NBEA: variants seen among roughly 807,000 people sequenced by gnomAD.
NBEA encodes lysosomal-trafficking regulator 2.
In NBEA, 44 loss-of-function variants were observed where a neutral mutation model predicts 343.4. The observed-to-expected ratio is 0.13, with a 90% CI of 0.10 to 0.16. The LOEUF is 0.16. NBEA is among the 10% of genes least tolerant of loss of function. The probability of loss-of-function intolerance (pLI) is 1.00; values close to 1 mark genes in which losing one functional copy is unlikely to be tolerated. For synonymous variants in NBEA, 1,175 were observed against 1,238.7 expected (o/e 0.95, Z 1.08); for missense variants, 2,555 against 3,631.3 (o/e 0.70, Z 7.62).
rs181171479 is a variant in NBEA, at chr13:35,034,012, A to G, written c.295-6921A>G. 2.0e-4 allele frequency among the ~76,000 whole-genome samples: 30 copies of G among 151,788 alleles called. No homozygotes were observed. The East Asian group carries it at 5.4e-3, about 27-fold the overall frequency. ...CCTTTTTCTAGCTTTCTCTTGTATA[A>G]TTATGCTAACTGGGACTTCCAGGAC... On this transcript the variant is annotated intron_variant, in intron 1 of 58. Transcript: ENST00000379939.
chr13:35,430,792 G>A (rs1374426921), intron 38 of NBEA, among the ~76,000 whole-genome samples: 1 of 151,862 alleles, frequency 6.6e-6, no homozygotes, highest in East Asian at 1.9e-4. Flanking sequence ...TAAATTACTG[G>A]GATTAGTTTG....
chr13:35,383,917 C>G (rs2042119612), intron 38 of NBEA, among the ~76,000 whole-genome samples: 1 of 151,900 alleles, frequency 6.6e-6, no homozygotes, highest in Non-Finnish European at 1.5e-5. Context: ...TGTATAGTTT[C>G]TTCTATGTTT....
At chr13:35,410,544 C>T (rs988372429) in intron 38 of NBEA, among the ~76,000 whole-genome samples, 1 of 151,940 alleles carries the variant, frequency 6.6e-6, no homozygotes, top group African/African-American at 2.4e-5. Flanking sequence ...TCAAAAGGTT[C>T]ACAGAAAAAT....
intron 38 of NBEA, among the ~76,000 whole-genome samples, chr13:35,408,529 TCTGCACA>T (rs1356591140): frequency 6.6e-6 from 1 of 152,084 alleles, no homozygotes; most frequent in Non-Finnish European, 1.5e-5. Context: ...TTAAAGAGCT[TCTGCACA>T]GCAGAAGAAA....
At chr13:35,188,337 T>A (rs576899594) in intron 30 of NBEA, among the ~76,000 whole-genome samples, 1 of 152,190 alleles carries the variant, frequency 6.6e-6, no homozygotes, top group Non-Finnish European at 1.5e-5. Flanking sequence ...GTCACCATGC[T>A]GGAAAATAGA....
chr13:35,043,715 A>T (rs556219957), intron 2 of NBEA, among the ~76,000 whole-genome samples: 1 of 152,080 alleles, frequency 6.6e-6, no homozygotes, highest in East Asian at 1.9e-4. Flanking sequence ...TTAATTGATT[A>T]TTAATTGATG....
intron 1 of NBEA, among the ~76,000 whole-genome samples, chr13:34,969,792 A>G (rs2059943258): frequency 6.6e-6 from 1 of 151,156 alleles, no homozygotes; most frequent in African/African-American, 2.4e-5. Context: ...TATCCAGTCT[A>G]TCATTGATAT....
At chr13:35,258,187 T>G (rs9600406) in intron 34 of NBEA, among the ~76,000 whole-genome samples, 15,007 of 149,146 alleles carry the variant, frequency 0.1, 725 homozygotes, top group South Asian at 0.12. Context: ...TTTTTTTTTT[T>G]AAACAACATC....
chr13:35,301,332 C>G (rs773631833), intron 35 of NBEA, among the ~76,000 whole-genome samples: 4 of 152,042 alleles, frequency 2.6e-5, no homozygotes, highest in African/African-American at 9.7e-5. Flanking sequence ...AATGCTCCCC[C>G]TCCTCTTTCC....
chr13:35,065,733 T>C (rs1421116132), intron 8 of NBEA, among the ~76,000 whole-genome samples: 3 of 152,154 alleles, frequency 2.0e-5, no homozygotes, highest in South Asian at 4.1e-4. Context: ...CTACAAGCAC[T>C]ATCCCAGTCA....
At chr13:35,129,457 A>T (rs2067298100) in intron 17 of NBEA, among the ~76,000 whole-genome samples, 1 of 152,170 alleles carries the variant, frequency 6.6e-6, no homozygotes, top group African/African-American at 2.4e-5. Context: ...AACCCTAAGT[A>T]ACTTGTGAAA....
chr13:35,477,265 A>C (rs1470955578), intron 41 of NBEA: 6 of 165,902 alleles, frequency 3.6e-5, no homozygotes, highest in Non-Finnish European at 8.8e-5. Flanking sequence ...AACGTTATGG[A>C]GGTAGTATGC....
At chr13:35,275,531 G>A (rs1375321433) in intron 34 of NBEA, among the ~76,000 whole-genome samples, 1 of 152,160 alleles carries the variant, frequency 6.6e-6, no homozygotes, top group African/African-American at 2.4e-5. Context: ...AAGAGCTTCT[G>A]CACAGCAAAG....
chr13:35,625,484 G>A (rs6563050), intron 48 of NBEA, among the ~76,000 whole-genome samples: 4,578 of 152,090 alleles, frequency 0.03, 253 homozygotes, highest in African/African-American at 0.11. Flanking sequence ...AGCCAGGCAC[G>A]GTGGCGCATG....
At chr13:35,040,746 G>T (rs1000308429) in intron 1 of NBEA, among the ~76,000 whole-genome samples, 187 bp from the exon 2 acceptor site, 1 of 151,916 alleles carries the variant, frequency 6.6e-6, no homozygotes, top group Non-Finnish European at 1.5e-5. Context: ...ATTTCTGTTT[G>T]CTAGTTTCGA....
intron 39 of NBEA, among the ~76,000 whole-genome samples, chr13:35,451,487 A>C (rs2046311883): frequency 6.6e-6 from 1 of 152,158 alleles, no homozygotes; most frequent in Non-Finnish European, 1.5e-5. Context: ...TATTTATTTC[A>C]CTAATTGCTA....
rs1179071639 is a variant in NBEA at position 35,056,919 on chromosome 13, C to G, written c.1092+790C>G. Among the ~76,000 whole-genome samples, 4 of 152,182 alleles carry G rather than the reference C, an allele frequency of 2.6e-5. No homozygotes were observed. In the South Asian group the frequency reaches 8.3e-4, roughly 32 times the overall value. Reference sequence around the variant, plus strand: ...GGAAATTACAGAAGCGGGAAGATCACTTAAATCGCTTATTATAATAAAACA... The same window carrying G: ...GGAAATTACAGAAGCGGGAAGATCAGTTAAATCGCTTATTATAATAAAACA... On this transcript the variant is annotated intron_variant, in intron 7 of 58. Coordinates refer to ENST00000379939, the MANE Select transcript of NBEA (RefSeq NM_001385012.1).
intron 35 of NBEA, among the ~76,000 whole-genome samples, chr13:35,309,205 A>G (rs2037194970): frequency 6.6e-6 from 1 of 152,040 alleles, no homozygotes; most frequent in Non-Finnish European, 1.5e-5. Flanking sequence ...GTCCTTGTGT[A>G]GTCACATTAG....
At chr13:35,467,366 G>C (rs893361550) in intron 40 of NBEA, among the ~76,000 whole-genome samples, 1 of 152,036 alleles carries the variant, frequency 6.6e-6, no homozygotes, top group African/African-American at 2.4e-5. Context: ...CAGCTCCTTG[G>C]GAGGCCGAGG....
Sources: gnomAD v4.1 joint callset for allele counts (sites outside exome capture counted in the v4.1 genomes callset) on GRCh38, gnomAD v4.1.1 for gene constraint, MANE v1.5 for transcripts, NCBI Gene and HGNC (gene_info 2026-07-23, HGNC 2026-07-21) for gene names.